AFF2: variants seen among roughly 807,000 people sequenced by gnomAD.
The protein encoded by AFF2 is ALF transcription elongation factor 2.
In AFF2, 14 loss-of-function variants were observed where a neutral mutation model predicts 76.9. The observed-to-expected ratio is 0.18, with a 90% confidence interval of 0.12 to 0.28. The LOEUF (loss-of-function observed/expected upper bound fraction) is 0.28, where lower values mean the gene tolerates loss of function less well. Among genes scored for constraint, AFF2 ranks in the 10% least tolerant of loss-of-function variants. The pLI is 1.00. For synonymous variants in AFF2, 398 were observed against 366.7 expected (o/e 1.09, Z -0.98); for missense variants, 868 against 1,001.1 (o/e 0.87, Z 1.79).
intron 9 of AFF2, among the ~76,000 whole-genome samples, chrX:148,915,905 T>G (rs1263756026): frequency 2.7e-5 from 3 of 112,455 alleles, no homozygotes; most frequent in Non-Finnish European, 5.6e-5. Context: ...TGAAACAAGA[T>G]TGTACAGGAG....
chrX:148,781,889 A>G (rs1252671170), intron 3 of AFF2, among the ~76,000 whole-genome samples: 5 of 111,546 alleles, frequency 4.5e-5, no homozygotes, highest in Non-Finnish European at 7.5e-5. Flanking sequence ...AAAGCATAGT[A>G]TCTGGGCTGG....
At chrX:148,874,746 G>A (rs1005639950) in intron 7 of AFF2, among the ~76,000 whole-genome samples, 21 of 111,314 alleles carry the variant, frequency 1.9e-4, no homozygotes, top group Admixed American at 1.9e-4. Flanking sequence ...CCTCCTCTCC[G>A]GTTCAGTTTT....
chrX:148,566,798 A>G (rs1175639258), intron 1 of AFF2, among the ~76,000 whole-genome samples: 1 of 111,425 alleles, frequency 9.0e-6, no homozygotes, highest in Admixed American at 9.6e-5. Context: ...ATGCACACTT[A>G]TCAAGTTAAT....
At chrX:148,527,395 A>G (rs1557235341) in intron 1 of AFF2, among the ~76,000 whole-genome samples, 1 of 112,247 alleles carries the variant, frequency 8.9e-6, no homozygotes, top group Non-Finnish European at 1.9e-5. Flanking sequence ...TGAAAACTAA[A>G]TGCAAGGCAT....
At chrX:148,907,420 T>G (rs1201966311) in intron 9 of AFF2, among the ~76,000 whole-genome samples, 4 of 111,591 alleles carry the variant, frequency 3.6e-5, no homozygotes, top group African/African-American at 1.3e-4. Flanking sequence ...AATTCACCCC[T>G]GATATTTCAC....
chrX:148,720,711 A>G (rs1388423961), intron 3 of AFF2, among the ~76,000 whole-genome samples: 1 of 111,626 alleles, frequency 9.0e-6, no homozygotes, highest in Non-Finnish European at 1.9e-5. Flanking sequence ...TGCTATTCTG[A>G]CTCCTACATC....
At chrX:148,713,310 T>A (rs917999951) in intron 3 of AFF2, among the ~76,000 whole-genome samples, 1 of 111,299 alleles carries the variant, frequency 9.0e-6, no homozygotes, top group Non-Finnish European at 1.9e-5. Context: ...GTTGAAGGGT[T>A]TTGAGCAGCA....
At chrX:148,693,964 A>G (rs1213370334) in intron 3 of AFF2, among the ~76,000 whole-genome samples, 1 of 111,596 alleles carries the variant, frequency 9.0e-6, no homozygotes, top group African/African-American at 3.3e-5. Flanking sequence ...TGTGGCACAT[A>G]TACACCATGG....
At chrX:148,572,740 CA>C (rs1317498327) in intron 1 of AFF2, among the ~76,000 whole-genome samples, 1 of 111,052 alleles carries the variant, frequency 9.0e-6, no homozygotes, top group African/African-American at 3.3e-5. Flanking sequence ...GAGTGGTTGT[CA>C]GGGGCTGCTG....
Position 148,840,873 on chromosome X carries a change from T to C in AFF2, c.1174-2093T>C, listed in dbSNP as rs181832345. Among the ~76,000 whole-genome samples the C allele has an allele frequency of 8.9e-5, 10 of 112,170 alleles. No homozygotes were observed. In the East Asian group the frequency reaches 2.5e-3, roughly 28 times the overall value. On this transcript the variant is annotated intron_variant, in intron 5 of 20. Transcript: ENST00000370460. Reference sequence around the variant, plus strand: ...AATGCATAATGATCAAAACATCATATGTACCTCATAAACATTTACACCTAC... The same window carrying C: ...AATGCATAATGATCAAAACATCATACGTACCTCATAAACATTTACACCTAC...
chrX:148,735,341 G>A (rs2055272306), intron 3 of AFF2, among the ~76,000 whole-genome samples: 1 of 111,979 alleles, frequency 8.9e-6, no homozygotes, highest in African/African-American at 3.2e-5. Flanking sequence ...TAAACAATGT[G>A]CAATTTTTGT....
Position 148,876,222 on chromosome X carries a change from G to A in AFF2, c.1263-9667G>A, listed in dbSNP as rs183089288. On this transcript the variant is annotated intron_variant, in intron 7 of 20. Transcript: ENST00000370460. ...TGCTAGGGGTTTGAAGTGAGATATT[G>A]CATTTAATAGTTATAGCAATTCTAT... 3.6e-5 allele frequency among the ~76,000 whole-genome samples: 4 copies of A among 111,692 alleles called. No homozygotes were observed. The East Asian group carries it at 1.1e-3, about 32-fold the overall frequency.
At chrX:148,823,208 G>T (rs1391995928) in intron 4 of AFF2, among the ~76,000 whole-genome samples, 3 of 111,505 alleles carry the variant, frequency 2.7e-5, no homozygotes, top group African/African-American at 9.8e-5. Context: ...GCCTTTGAAA[G>T]AACTGGGATT....
At chrX:148,824,760 G>C (rs1557272859) in intron 4 of AFF2, among the ~76,000 whole-genome samples, 1 of 111,858 alleles carries the variant, frequency 8.9e-6, no homozygotes, top group Non-Finnish European at 1.9e-5. Context: ...TATAAGTTGG[G>C]TTCTGTGGTT....
At chrX:148,722,317 A>G (rs2055103367) in intron 3 of AFF2, among the ~76,000 whole-genome samples, 1 of 111,393 alleles carries the variant, frequency 9.0e-6, no homozygotes, top group Admixed American at 9.5e-5. Flanking sequence ...TGGTGGGTAG[A>G]GTTGCTGAGA....
At chrX:148,533,717 G>T (rs887690232) in intron 1 of AFF2, among the ~76,000 whole-genome samples, 4 of 111,786 alleles carry the variant, frequency 3.6e-5, no homozygotes, top group Non-Finnish European at 7.5e-5. Context: ...TTCTGCCAGG[G>T]TCATATTTAT....
At chrX:148,574,297 T>G (rs1037803600) in intron 1 of AFF2, among the ~76,000 whole-genome samples, 1 of 111,553 alleles carries the variant, frequency 9.0e-6, no homozygotes, top group Admixed American at 9.6e-5. Flanking sequence ...AGATTATTTC[T>G]GGCCCTTCTG....
At chrX:148,752,289 T>A (rs2055511452) in intron 3 of AFF2, among the ~76,000 whole-genome samples, 1 of 112,143 alleles carries the variant, frequency 8.9e-6, no homozygotes, top group Non-Finnish European at 1.9e-5. Context: ...ATGAACTTTG[T>A]TAGTCATTGT....
chrX:148,787,962 A>G (rs1484853217), intron 3 of AFF2, among the ~76,000 whole-genome samples: 1 of 112,454 alleles, frequency 8.9e-6, no homozygotes, highest in Non-Finnish European at 1.9e-5. Flanking sequence ...TTGCCCTTCC[A>G]GAACTGTAAA....
Sources: gnomAD v4.1 joint callset for allele counts (sites outside exome capture counted in the v4.1 genomes callset) on GRCh38, gnomAD v4.1.1 for gene constraint, MANE v1.5 for transcripts, NCBI Gene and HGNC (gene_info 2026-07-23, HGNC 2026-07-21) for gene names.